Variants in FBXO42 observed in about 807,000 individuals in gnomAD.
FBXO42 encodes F-box protein 42, also known as F-box only protein 42.
FBXO42 carries 12 observed loss-of-function variants against 71.7 expected under a neutral mutation model. The ratio of observed to expected loss-of-function variants is 0.17; its 90% CI spans 0.11 to 0.27. The LOEUF is 0.27. FBXO42 is among the 10% of genes least tolerant of loss of function. The probability of loss-of-function intolerance (pLI) is 1.00; values close to 1 mark genes in which losing one functional copy is unlikely to be tolerated. For missense variants in FBXO42, 707 were observed against 911.9 expected (o/e 0.78, Z 2.89); for synonymous variants, 325 against 327.5 (o/e 0.99, Z 0.08).
At chr1:16,288,894 G>T (rs1287382320) in intron 4 of FBXO42, among the ~76,000 whole-genome samples, 1 of 151,636 alleles carries the variant, frequency 6.6e-6, no homozygotes. Flanking sequence ...GGAGGCAGAG[G>T]CTGTAGTGAG....
At chr1:16,256,504 T>A (rs2081646786) in intron 5 of FBXO42, 102 bp downstream of exon 5, 3 of 1,253,818 alleles carry the variant, frequency 2.4e-6, no homozygotes, top group Middle Eastern at 2.7e-4. Context: ...GTCCACAGCT[T>A]TCCATCTAAT....
intron 2 of FBXO42, among the ~76,000 whole-genome samples, chr1:16,314,744 C>T (rs981057943): frequency 2.6e-5 from 4 of 151,982 alleles, no homozygotes; most frequent in East Asian, 1.9e-4. Context: ...ATCAGCCGGG[C>T]GTGGTGGCAG....
chr1:16,251,813 C>T lies in FBXO42; in HGVS notation c.1039-28G>A. The stretch of plus-strand genomic sequence containing the variant: ...GGAAGACAAAGGACCAGTGCTCACA[C>T]TCTTCTATGATTCTGATTGTTCATT... On this transcript the variant is annotated intron_variant, in intron 9 of 9. Coordinates refer to ENST00000375592, the MANE Select transcript of FBXO42 (RefSeq NM_018994.3). This position sits in a 1 kb window ranked among gnomAD's most constrained non-coding sequence, Gnocchi z 4.5. 6.3e-7 allele frequency: 1 copy of T among 1,590,232 alleles called. No homozygotes were observed. Among genetic ancestry groups the T allele is most frequent in the Non-Finnish European group, 8.6e-7 (1 of 1,167,438 alleles).
intron 1 of FBXO42, among the ~76,000 whole-genome samples, chr1:16,343,307 A>T (rs1489702728): frequency 3.9e-5 from 6 of 152,180 alleles, no homozygotes; most frequent in Non-Finnish European, 8.8e-5. Context: ...ACTTTAGGTC[A>T]AGGCAGGTGG....
intron 3 of FBXO42, among the ~76,000 whole-genome samples, chr1:16,299,035 C>CA (rs1557590800): frequency 6.6e-6 from 1 of 151,104 alleles, no homozygotes; most frequent in African/African-American, 2.4e-5. Flanking sequence ...TTCCTCGAGA[C>CA]AGAGTCTTGC....
At chr1:16,289,714 G>A (rs1386840389) in intron 4 of FBXO42, among the ~76,000 whole-genome samples, 4 of 152,088 alleles carry the variant, frequency 2.6e-5, no homozygotes, top group African/African-American at 4.8e-5. Flanking sequence ...AAAGTCTCCT[G>A]TTTAAAGTAG....
Position 16,252,962 on chromosome 1 carries a change from T to TATACCC in FBXO42, c.921+128_921+133dup. The TATACCC allele has an allele frequency of 1.4e-6, 1 of 697,072 alleles. No individual in the cohort carries two copies. Among genetic ancestry groups the TATACCC allele is most frequent in the Non-Finnish European group, 2.3e-6 (1 of 431,698 alleles). The allele number at this position is 697,072 out of a possible 1,614,324, so 43.2% of individuals were successfully genotyped here. A position where few individuals can be genotyped will look rare whatever the true frequency, so the allele number is the denominator to read the frequency against. ...AACAAAGGCCAGAAAATACAAAGGC[T>TATACCC]ATACCCAAAAAGCATTCCTTAAATT... On this transcript the variant is annotated intron_variant, in intron 8 of 9. Coordinates refer to ENST00000375592, the MANE Select transcript of FBXO42 (RefSeq NM_018994.3). The surrounding 1 kb of genome is among the most constrained non-coding windows in gnomAD (Gnocchi z 4.4).
intron 7 of FBXO42, 96 bp from the exon 8 acceptor site, chr1:16,253,248 C>A: frequency 9.7e-7 from 1 of 1,026,416 alleles, no homozygotes; most frequent in Non-Finnish European, 1.4e-6. Context: ...ACCTAGCTCC[C>A]AAATGGGAAT....
intron 2 of FBXO42, among the ~76,000 whole-genome samples, chr1:16,312,015 C>T (rs1046160439): frequency 2.0e-5 from 3 of 151,820 alleles, no homozygotes; most frequent in Non-Finnish European, 4.4e-5. Flanking sequence ...TGCATCTAGA[C>T]ATGAAATATT....
intron 4 of FBXO42, among the ~76,000 whole-genome samples, chr1:16,273,681 A>G (rs139123405): frequency 1.3e-4 from 20 of 152,072 alleles, no homozygotes; most frequent in African/African-American, 4.8e-4. Flanking sequence ...GGAGTTCAAG[A>G]CCAGCCTGGG....
chr1:16,332,215 C>A (rs556320847), intron 1 of FBXO42, among the ~76,000 whole-genome samples: 74 of 152,254 alleles, frequency 4.9e-4, no homozygotes, highest in Non-Finnish European at 8.1e-4. Flanking sequence ...CCCCTCTTTG[C>A]CACCTTTGAT....
rs769621255 is a variant in FBXO42 at position 16,256,602 on chromosome 1, T to G, written c.656+4A>C. On this transcript the variant is annotated splice_donor_region_variant and intron_variant, in intron 5 of 9. Coordinates refer to ENST00000375592, the MANE Select transcript of FBXO42 (RefSeq NM_018994.3). Reference sequence around the variant, plus strand: ...GATTTAAAGAGTTTATCTTTGTGACTTACCAATTTTTAGAGGGTGAGTAAG... The same window carrying G: ...GATTTAAAGAGTTTATCTTTGTGACGTACCAATTTTTAGAGGGTGAGTAAG... The G allele has an allele frequency of 6.2e-7, 1 of 1,613,254 alleles. No individual in the cohort carries two copies. Among genetic ancestry groups the G allele is most frequent in the South Asian group, 1.1e-5 (1 of 90,950 alleles).
chr1:16,319,979 G>A (rs1474656149), intron 1 of FBXO42, among the ~76,000 whole-genome samples: 3 of 151,824 alleles, frequency 2.0e-5, no homozygotes, highest in Admixed American at 6.6e-5. Context: ...GCTCACGTGG[G>A]TAAGGTGTTT....
chr1:16,340,383 A>T (rs1050347397), intron 1 of FBXO42, among the ~76,000 whole-genome samples: 4 of 151,838 alleles, frequency 2.6e-5, no homozygotes, highest in African/African-American at 9.7e-5. Context: ...AAATAGTGCC[A>T]TCTCGGCTCA....
rs371930743 is a variant in FBXO42, at chr1:16,325,056, A to C, written c.-17-9621T>G. ...AGTTCGTGACCAGCCAAAGCAACAA[A>C]GTGAGACCCTGTCTCTATAAAAAAT... On this transcript the variant is annotated intron_variant, in intron 1 of 9. Coordinates refer to ENST00000375592, the MANE Select transcript of FBXO42 (RefSeq NM_018994.3). Among the ~76,000 whole-genome samples, 41 of 152,192 alleles carry C rather than the reference A, an allele frequency of 2.7e-4. No individual in the cohort carries two copies. In the East Asian group the frequency reaches 7.7e-3, roughly 29 times the overall value.
intron 2 of FBXO42, among the ~76,000 whole-genome samples, chr1:16,314,889 A>G (rs1401507553): frequency 6.6e-6 from 1 of 152,008 alleles, no homozygotes; most frequent in Admixed American, 6.6e-5. Context: ...GTCTGAAAAA[A>G]AAAAAAAGAA....
chr1:16,309,762 T>C (rs2082292398), intron 2 of FBXO42, among the ~76,000 whole-genome samples: 1 of 151,828 alleles, frequency 6.6e-6, no homozygotes, highest in Non-Finnish European at 1.5e-5. Context: ...TAGCCGGGTG[T>C]GGCCGGGTGC....
intron 2 of FBXO42, among the ~76,000 whole-genome samples, chr1:16,311,523 TATATAC>T (rs2082313737): frequency 7.1e-6 from 1 of 141,776 alleles, no homozygotes; most frequent in African/African-American, 2.6e-5. Flanking sequence ...TATATATATA[TATATAC>T]ATATGTATAT....
At chr1:16,302,264 C>G (rs970312810) in intron 3 of FBXO42, among the ~76,000 whole-genome samples, 5 of 152,124 alleles carry the variant, frequency 3.3e-5, no homozygotes, top group African/African-American at 1.2e-4. Context: ...AAGGGCAGGC[C>G]GGGTGCGGTA....
Sources: gnomAD v4.1 joint callset for allele counts (sites outside exome capture counted in the v4.1 genomes callset) on GRCh38, gnomAD v4.1.1 for gene constraint, Gnocchi (gnomAD v3.1) non-coding constraint, MANE v1.5 for transcripts, NCBI Gene and HGNC (gene_info 2026-07-23, HGNC 2026-07-21) for gene names.